MAMLD1: variants seen among roughly 807,000 people sequenced by gnomAD.
The protein encoded by MAMLD1 is mastermind like domain containing 1.
Under a neutral mutation model 45.0 loss-of-function variants are expected in MAMLD1, and 14 were observed. The observed-to-expected ratio is 0.31, with a 90% CI of 0.21 to 0.49. MAMLD1 has a LOEUF of 0.49. Among genes scored for constraint, MAMLD1 ranks in the 20% least tolerant of loss-of-function variants. The pLI is 0.99. For missense variants in MAMLD1, 543 were observed against 603.6 expected, an observed-to-expected ratio of 0.90 and a Z score of 1.05; for synonymous variants, 254 against 247.8, an observed-to-expected ratio of 1.02 and a Z score of -0.24.
At chrX:150,430,575 C>T (rs1272070749) in intron 1 of MAMLD1, among the ~76,000 whole-genome samples, 2 of 111,628 alleles carry the variant, frequency 1.8e-5, no homozygotes, top group African/African-American at 6.5e-5. Flanking sequence ...AAGATTTTCT[C>T]CTATTTTTCC....
chrX:150,393,964 T>C (rs978112433), intron 1 of MAMLD1, among the ~76,000 whole-genome samples: 1 of 110,235 alleles, frequency 9.1e-6, no homozygotes, highest in South Asian at 3.8e-4. Context: ...TCTTTCATGG[T>C]TTGTGCCGTT....
At chrX:150,503,105 C>T (rs1403101926) in intron 5 of MAMLD1, among the ~76,000 whole-genome samples, 169 bp from the exon 6 acceptor site, 1 of 112,056 alleles carries the variant, frequency 8.9e-6, no homozygotes. Context: ...AGTCTATGAC[C>T]CAAGACAAGC....
intron 1 of MAMLD1, among the ~76,000 whole-genome samples, chrX:150,403,940 AAAAGAAAG>A (rs1167882848): frequency 0.019 from 1,133 of 58,851 alleles, 36 homozygotes; most frequent in Admixed American, 0.076. Flanking sequence ...AGAAAGAAAG[AAAAGAAAG>A]AAAGAAAGAA....
At chrX:150,463,305 G>A (rs1400937386) in intron 3 of MAMLD1, among the ~76,000 whole-genome samples, 3 of 111,981 alleles carry the variant, frequency 2.7e-5, no homozygotes, top group Non-Finnish European at 5.6e-5. Context: ...ACCTGGGAAT[G>A]TGTTTGGGGA....
chrX:150,483,415 T>A (rs934519826), intron 5 of MAMLD1, among the ~76,000 whole-genome samples: 4 of 112,522 alleles, frequency 3.6e-5, no homozygotes, highest in African/African-American at 1.3e-4. Flanking sequence ...ATGAGTAGAA[T>A]ATAGAGGGGA....
intron 1 of MAMLD1, among the ~76,000 whole-genome samples, chrX:150,390,941 T>A (rs1217693325): frequency 1.8e-5 from 2 of 112,218 alleles, no homozygotes; most frequent in African/African-American, 6.5e-5. Flanking sequence ...AGATACATAA[T>A]TTGGGGTTGA....
At chrX:150,367,145 T>A (rs1418340342) in intron 1 of MAMLD1, among the ~76,000 whole-genome samples, 1 of 109,254 alleles carries the variant, frequency 9.2e-6, no homozygotes. Flanking sequence ...TAGGAAATCA[T>A]TAGCAAAGGG....
chrX:150,459,810 G>T (rs1557405516), intron 2 of MAMLD1, among the ~76,000 whole-genome samples: 1 of 102,982 alleles, frequency 9.7e-6, no homozygotes, highest in Non-Finnish European at 2.0e-5. Flanking sequence ...AAAGGAGAAA[G>T]ATGGGAATAA....
Position 150,465,904 on chromosome X carries a change from G to C in MAMLD1, c.171+3058G>C, listed in dbSNP as rs182028606. Among the ~76,000 whole-genome samples, 9 of 112,379 alleles carry C rather than the reference G, an allele frequency of 8.0e-5. No individual in the cohort carries two copies. In the Admixed American group the frequency reaches 8.4e-4, roughly 11 times the overall value. On this transcript the variant is annotated intron_variant, in intron 3 of 7. Transcript: ENST00000370401. ...CTGGGAGCTTGGTTGGGGACCTTCC[G>C]CCCCTACCAGGATTCTGGGAGGGGA... is the stretch of plus-strand genomic sequence containing the variant.
At chrX:150,511,882 G>A in intron 7 of MAMLD1, 122 bp from the exon 8 acceptor site, 1 of 576,277 alleles carries the variant, frequency 1.7e-6, no homozygotes. Flanking sequence ...GGGGAGCTCA[G>A]TAGAGAGCCA....
chrX:150,394,028 A>G (rs1557402219), intron 1 of MAMLD1, among the ~76,000 whole-genome samples: 1 of 101,458 alleles, frequency 9.9e-6, no homozygotes, highest in Non-Finnish European at 2.0e-5. Context: ...GTTTTTTCTT[A>G]TGTTATGCTC....
intron 1 of MAMLD1, among the ~76,000 whole-genome samples, chrX:150,386,765 C>A (rs2032952668): frequency 9.2e-6 from 1 of 108,853 alleles, no homozygotes; most frequent in Non-Finnish European, 1.9e-5. Context: ...GCCTTAAATC[C>A]TGGTGCTCGC....
At position 150,512,863 on chromosome X, in the gene MAMLD1, C is replaced by T. The variant is rs1557409291; in HGVS notation, c.*904C>T. ...CACCTGCCGACTTTTTGCGCCAGCCCCAACCCCCACTAAATGATCTGATTT... is the reference window on the plus strand; with the variant it reads ...CACCTGCCGACTTTTTGCGCCAGCCTCAACCCCCACTAAATGATCTGATTT... On this transcript the variant is annotated 3_prime_UTR_variant, in exon 8 of 8. Coordinates refer to ENST00000370401, the MANE Select transcript of MAMLD1 (RefSeq NM_005491.5). The T allele has an allele frequency of 1.7e-6, 2 of 1,155,785 alleles. No individual in the cohort carries two copies. The highest frequency in any genetic ancestry group is 5.2e-5 in the Admixed American group (2 of 38,800).
At chrX:150,372,521 C>T (rs908005986) in intron 1 of MAMLD1, among the ~76,000 whole-genome samples, 1 of 112,252 alleles carries the variant, frequency 8.9e-6, no homozygotes, top group South Asian at 3.7e-4. Context: ...TTATGCTAGG[C>T]TTCGGGAGGA....
intron 1 of MAMLD1, among the ~76,000 whole-genome samples, chrX:150,404,901 A>G (rs72612715): frequency 0.023 from 2,532 of 111,775 alleles, 152 homozygotes; most frequent in Admixed American, 0.18. Context: ...GAATTATACC[A>G]CAATTTATTT....
At chrX:150,481,843 A>G (rs1305714790) in intron 5 of MAMLD1, among the ~76,000 whole-genome samples, 2 of 107,473 alleles carry the variant, frequency 1.9e-5, no homozygotes, top group Non-Finnish European at 3.8e-5. Context: ...AAATAAAAAA[A>G]AAGAAAGAAA....
intron 1 of MAMLD1, among the ~76,000 whole-genome samples, chrX:150,416,287 G>A (rs953297196): frequency 3.6e-5 from 4 of 111,556 alleles, no homozygotes. Flanking sequence ...GTTCTCCTTT[G>A]CTCACCATAG....
intron 1 of MAMLD1, among the ~76,000 whole-genome samples, chrX:150,373,466 T>TCTCA (rs1557401239): frequency 0.022 from 2,317 of 103,143 alleles, 67 homozygotes; most frequent in African/African-American, 0.076. Flanking sequence ...TCTCTCTCTC[T>TCTCA]CACACACACA....
rs941972384 is a variant in MAMLD1, at chrX:150,437,404, C to T, written c.-63-8050C>T. ...GCCTTATTGGACTAGCTAGAGCTTC[C>T]GGTATTATGTTGAATATCAGTGTCA... On this transcript the variant is annotated intron_variant, in intron 1 of 7. Transcript: ENST00000370401. 8.9e-5 allele frequency among the ~76,000 whole-genome samples: 10 copies of T among 111,733 alleles called. No homozygotes were observed. In the East Asian group the frequency reaches 1.4e-3, roughly 16 times the overall value.
Sources: allele counts gnomAD v4.1 joint callset (sites outside exome capture counted in the v4.1 genomes callset), GRCh38; gene constraint gnomAD v4.1.1; transcripts MANE v1.5; gene names NCBI Gene and HGNC (gene_info 2026-07-23, HGNC 2026-07-21).